CEP44: variants seen among roughly 807,000 people sequenced by gnomAD.
The protein encoded by CEP44 is centrosomal protein 44, also known as centrosomal protein of 44 kDa.
In CEP44, 45 loss-of-function variants were observed where a neutral mutation model predicts 46.7. That is an observed-to-expected ratio of 0.96 (90% CI 0.76 to 1.24). The LOEUF is 1.24. Among genes scored for constraint, CEP44 ranks in the 50% most tolerant of loss-of-function variants. CEP44 has a pLI of 0.00. For missense variants in CEP44, 475 were observed against 459.7 expected, an observed-to-expected ratio of 1.03 and a Z score of -0.30; for synonymous variants, 142 against 146.0, an observed-to-expected ratio of 0.97 and a Z score of 0.20.
At chr4:174,294,831 G>A (rs867146927) in intron 1 of CEP44, among the ~76,000 whole-genome samples, 29 of 139,172 alleles carry the variant, frequency 2.1e-4, no homozygotes, top group African/African-American at 5.9e-4. Context: ...CCTCCCGGAC[G>A]GGACGGCTGG....
In CEP44 at chr4:174,317,863, A is replaced by T; in HGVS notation, c.*480A>T. 1 of 985,712 alleles carries T rather than the reference A, an allele frequency of 1.0e-6. No homozygotes were observed. Among genetic ancestry groups the T allele is most frequent in the Non-Finnish European group, 1.2e-6 (1 of 829,810 alleles). The allele number at this position is 985,712 out of a possible 1,614,324, so 61.1% of individuals were successfully genotyped here. ...TAAAAATGCTCATTGAAAATTAAAT[A>T]AAACAAAAAGGCAGTTATTTCATGC... On this transcript the variant is annotated 3_prime_UTR_variant, in exon 12 of 12. Transcript: ENST00000503780.
chr4:174,302,783 AT>A (rs1277308350), intron 4 of CEP44, among the ~76,000 whole-genome samples: 226 of 133,580 alleles, frequency 1.7e-3, no homozygotes, highest in Admixed American at 4.1e-3. Flanking sequence ...AATGTAGTCT[AT>A]TTTTTTTTTT....
intron 11 of CEP44, among the ~76,000 whole-genome samples, chr4:174,317,017 T>G (rs1458711057): frequency 1.3e-5 from 2 of 152,080 alleles, no homozygotes; most frequent in African/African-American, 2.4e-5. Context: ...AATGGTGTGA[T>G]TTTTCTAAAG....
At chr4:174,308,927 C>T (rs1740763333) in intron 7 of CEP44, 68 bp downstream of exon 7, 2 of 1,348,960 alleles carry the variant, frequency 1.5e-6, no homozygotes, top group African/African-American at 1.5e-5. Flanking sequence ...TTATTTCAGC[C>T]TCTAAACTTT....
chr4:174,302,783 A>AT (rs1277308350), intron 4 of CEP44, among the ~76,000 whole-genome samples: 4,406 of 133,622 alleles, frequency 0.033, 76 homozygotes, highest in African/African-American at 0.041. Flanking sequence ...AATGTAGTCT[A>AT]TTTTTTTTTT....
intron 9 of CEP44, among the ~76,000 whole-genome samples, chr4:174,313,394 AAG>A (rs200746315): frequency 6.4e-4 from 93 of 145,820 alleles, no homozygotes; most frequent in Admixed American, 2.2e-3. Flanking sequence ...AAAAAAAAAA[AAG>A]GTGTGCTACC....
chr4:174,303,856 T>G lies in CEP44; in HGVS notation c.384+7T>G, dbSNP rs191764756. The G allele has an allele frequency of 3.9e-4, 594 of 1,514,500 alleles. 2 individuals are homozygous for G. In the African/African-American group the frequency reaches 7.4e-3, roughly 19 times the overall value. The allele number at this position is 1,514,500 out of a possible 1,614,324, so 93.8% of individuals were successfully genotyped here. ...ATTAAGCAGTCTTCAGAAGGTAATT[T>G]TATGAATAGATATTAATGCTGATGT... On this transcript the variant is annotated splice_region_variant and intron_variant, in intron 5 of 11. Transcript: ENST00000503780.
Position 174,300,181 on chromosome 4 carries a change from A to G in CEP44, c.89+971A>G, listed in dbSNP as rs186332131. ...TTTACATATAAGAATGGATATCCAT[A>G]TAAGAATGGATATTCTAATAACTCT... On this transcript the variant is annotated intron_variant, in intron 3 of 11. Transcript: ENST00000503780. Among the ~76,000 whole-genome samples, 4 of 152,328 alleles carry G rather than the reference A, an allele frequency of 2.6e-5. No individual in the cohort carries two copies. In the East Asian group the frequency reaches 7.7e-4, roughly 29 times the overall value.
rs529959997 is a variant in CEP44, at chr4:174,294,746, G to A, written c.-147-3220G>A. On this transcript the variant is annotated intron_variant, in intron 1 of 11. Coordinates refer to ENST00000503780, the MANE Select transcript of CEP44 (RefSeq NM_001040157.3). ...GCTGACCACCCCCCACCTCCCTGCTGGGCGGGGGGCTGACCCCCCCACCTC... is the reference window on the plus strand; with the variant it reads ...GCTGACCACCCCCCACCTCCCTGCTAGGCGGGGGGCTGACCCCCCCACCTC... Among the ~76,000 whole-genome samples the A allele has an allele frequency of 2.8e-3, 407 of 143,506 alleles. 2 individuals carry two copies. The highest frequency in any genetic ancestry group is 9.7e-3 in the African/African-American group (383 of 39,632). The allele number at this position is 143,506 out of a possible 152,430, so 94.1% of individuals were successfully genotyped here.
In CEP44 at chr4:174,284,208, TAC is replaced by T. The variant is rs1031981199; in HGVS notation, c.-148+267_-148+268del. The T allele has an allele frequency of 1.8e-5, 7 of 397,448 alleles. No homozygotes were observed. The East Asian group carries it at 2.5e-4, about 14-fold the overall frequency. The allele number at this position is 397,448 out of a possible 1,614,324, so 24.6% of individuals were successfully genotyped here. A position where few individuals can be genotyped will look rare whatever the true frequency, so the allele number is the denominator to read the frequency against. On this transcript the variant is annotated intron_variant, in intron 1 of 11. Transcript: ENST00000503780. ...GGAGGTCGCCTCTCTCCGCCGTCCT[TAC>T]AGAGACCCCGGGCGGAGACGAATGA...
chr4:174,321,995 A>G (rs1447523511), downstream of CEP44, among the ~76,000 whole-genome samples: 1 of 152,074 alleles, frequency 6.6e-6, no homozygotes, highest in African/African-American at 2.4e-5. Context: ...GTAAGCTTTG[A>G]TTTACTGGGT....
At chr4:174,295,706 C>T (rs559662834) in intron 1 of CEP44, among the ~76,000 whole-genome samples, 1 of 152,222 alleles carries the variant, frequency 6.6e-6, no homozygotes, top group African/African-American at 2.4e-5. Flanking sequence ...CCATTGAGCA[C>T]TGAGTGAACC....
chr4:174,311,741 T>C lies in CEP44; in HGVS notation c.961+883T>C, dbSNP rs1741103820. On this transcript the variant is annotated intron_variant, in intron 9 of 11. Coordinates refer to ENST00000503780, the MANE Select transcript of CEP44 (RefSeq NM_001040157.3). The surrounding 1 kb of genome is among the most constrained non-coding windows in gnomAD (Gnocchi z 4.4). ...CTGAAGTACAGCAAAATTAAGTAACTACAGCAAAGGTCACACAGTTATTGA... is the reference window on the plus strand; with the variant it reads ...CTGAAGTACAGCAAAATTAAGTAACCACAGCAAAGGTCACACAGTTATTGA... Among the ~76,000 whole-genome samples, 1 of 152,164 alleles carries C rather than the reference T, an allele frequency of 6.6e-6. No individual in the cohort carries two copies. The highest frequency in any genetic ancestry group is 2.4e-5 in the African/African-American group (1 of 41,452).
At chr4:174,285,024 T>G (rs1404850124) in intron 1 of CEP44, among the ~76,000 whole-genome samples, 1 of 152,188 alleles carries the variant, frequency 6.6e-6, no homozygotes, top group East Asian at 1.9e-4. Context: ...CCTAAACTGC[T>G]AGAGTACACT....
chr4:174,318,346 G>T lies in CEP44; in HGVS notation c.*963G>T, dbSNP rs1741969907. 1 of 985,176 alleles carries T rather than the reference G, an allele frequency of 1.0e-6. No homozygotes were observed. Among genetic ancestry groups the T allele is most frequent in the African/African-American group, 1.7e-5 (1 of 57,182 alleles). 61.0% of individuals were successfully genotyped at this position (985,176 alleles called of 1,614,324 possible). A position where few individuals can be genotyped will look rare whatever the true frequency, so the allele number is the denominator to read the frequency against. ...CGGCGTAACACTTTTTAAGACCAGT[G>T]TAACAGAAAGAGAATGTAGCCATTC... On this transcript the variant is annotated 3_prime_UTR_variant, in exon 12 of 12. Transcript: ENST00000503780.
Position 174,312,633 on chromosome 4 carries a change from A to C in CEP44, c.961+1775A>C, listed in dbSNP as rs1741214072. On this transcript the variant is annotated intron_variant, in intron 9 of 11. Transcript: ENST00000503780. The surrounding 1 kb of genome is among the most constrained non-coding windows in gnomAD (Gnocchi z 4.5). Reference sequence around the variant, plus strand: ...ATAGCTAAATTTCAACAACTGTGCCAGGACTGAAAGTAATTAACAGGCCTC... The same window carrying C: ...ATAGCTAAATTTCAACAACTGTGCCCGGACTGAAAGTAATTAACAGGCCTC... Among the ~76,000 whole-genome samples the C allele has an allele frequency of 6.6e-6, 1 of 152,166 alleles. No homozygotes were observed. The highest frequency in any genetic ancestry group is 6.6e-5 in the Admixed American group (1 of 15,262).
intron 2 of CEP44, among the ~76,000 whole-genome samples, chr4:174,298,289 C>T (rs1474951115): frequency 6.8e-6 from 1 of 147,904 alleles, no homozygotes; most frequent in Non-Finnish European, 1.5e-5. Context: ...CATTCTCCTG[C>T]CTCAGCCTCC....
chr4:174,301,925 A>T lies in CEP44; in HGVS notation c.90-114A>T. 1 of 878,294 alleles carries T rather than the reference A, an allele frequency of 1.1e-6. No individual in the cohort carries two copies. Among genetic ancestry groups the T allele is most frequent in the Non-Finnish European group, 1.7e-6 (1 of 590,554 alleles). 54.4% of individuals were successfully genotyped at this position (878,294 alleles called of 1,614,324 possible). A position where few individuals can be genotyped will look rare whatever the true frequency, so the allele number is the denominator to read the frequency against. On this transcript the variant is annotated intron_variant, in intron 3 of 11. Coordinates refer to ENST00000503780, the MANE Select transcript of CEP44 (RefSeq NM_001040157.3). This position sits in a 1 kb window ranked among gnomAD's most constrained non-coding sequence, Gnocchi z 4.3. ...TGTATCACCTAATTATTATAGCTATAGTGTTAAGTTTTAAATTATTATAAA... is the reference window on the plus strand; with the variant it reads ...TGTATCACCTAATTATTATAGCTATTGTGTTAAGTTTTAAATTATTATAAA...
chr4:174,308,831 A>G lies in CEP44; in HGVS notation c.650A>G (p.Lys217Arg). 1 of 1,613,158 alleles carries G rather than the reference A, an allele frequency of 6.2e-7. No individual in the cohort carries two copies. The highest frequency in any genetic ancestry group is 8.5e-7 in the Non-Finnish European group (1 of 1,179,364). The change falls in exon 7 of 12, where the codon AAG becomes AGG. Residue 217 changes from lysine (K) to arginine (R), a missense_variant. Physicochemically the swap from Lys to Arg is conservative, Grantham distance 26. Coordinates refer to ENST00000503780, the MANE Select transcript of CEP44 (RefSeq NM_001040157.3). ...NATEIKMPEVKVPEIKAEQQD... is the reference protein window; with the variant it reads ...NATEIKMPEVRVPEIKAEQQD... ...ACTGAAATAAAGATGCCTGAAGTAA[A>G]GGTTCCTGAAATCAAGGCTGAGCAA...
Sources: allele counts gnomAD v4.1 joint callset (sites outside exome capture counted in the v4.1 genomes callset), GRCh38; gene constraint gnomAD v4.1.1; non-coding constraint Gnocchi (gnomAD v3.1); transcripts MANE v1.5; gene names NCBI Gene and HGNC (gene_info 2026-07-23, HGNC 2026-07-21).